IPO4: variants seen among roughly 807,000 people sequenced by gnomAD.
IPO4 encodes the protein importin 4, also known as importin-4.
IPO4 carries 91 observed loss-of-function variants against 133.5 expected under a neutral mutation model. The ratio of observed to expected loss-of-function variants is 0.68; its 90% confidence interval spans 0.58 to 0.81. The LOEUF is 0.81. Ranked by LOEUF, IPO4 falls within the 30% of genes least tolerant of loss-of-function variation. IPO4 has a pLI of 0.00. For synonymous variants in IPO4, 607 were observed against 581.6 expected, an observed-to-expected ratio of 1.04 and a Z score of -0.63; for missense variants, 1,279 against 1,386.2, an observed-to-expected ratio of 0.92 and a Z score of 1.23.
Position 24,186,757 on chromosome 14 carries a change from C to G in IPO4, c.791G>C (p.Arg264Pro). The G allele has an allele frequency of 1.2e-6, 2 of 1,614,156 alleles. No homozygotes were observed. Among genetic ancestry groups the G allele is most frequent in the Non-Finnish European group, 1.7e-6 (2 of 1,180,026 alleles). Residue 264 changes from arginine (R) to proline (P), a missense_variant, in exon 9 of 30, where the codon CGC (arginine) becomes CCC (proline). Coordinates refer to ENST00000354464, the MANE Select transcript of IPO4 (RefSeq NM_024658.4). Reference protein sequence around the residue: ...ARNVALGNAIRIRILCCLTFL... With the variant: ...ARNVALGNAIPIRILCCLTFL... ...AGTGAGGCAGCAGAGAATACGTATG[C>G]GTATCGCATTGCCCAGGGCCACATT...
At position 24,180,616 on chromosome 14, in the gene IPO4, C is replaced by T. The variant is rs757724019; in HGVS notation, c.3116-44G>A. Reference sequence around the variant, plus strand: ...AGAAAGGTCGGGGCTCCTAAAGCCTCGCTGCCCCAGGCTCTCTGAGCCCTG... The same window carrying T: ...AGAAAGGTCGGGGCTCCTAAAGCCTTGCTGCCCCAGGCTCTCTGAGCCCTG... On this transcript the variant is annotated intron_variant, in intron 29 of 29. Coordinates refer to ENST00000354464, the MANE Select transcript of IPO4 (RefSeq NM_024658.4). 2.2e-5 allele frequency: 35 copies of T among 1,611,492 alleles called. No homozygotes were observed. The South Asian group carries it at 3.0e-4, about 14-fold the overall frequency.
intron 4 of IPO4, 130 bp from the exon 5 acceptor site, chr14:24,187,926 A>G: frequency 8.8e-7 from 1 of 1,136,260 alleles, no homozygotes. Context: ...CCAAGTTGGG[A>G]CACATGAGAC....
chr14:24,183,258 T>C lies in IPO4; in HGVS notation c.2219A>G (p.Asn740Ser). 4 of 1,613,490 alleles carry C rather than the reference T, an allele frequency of 2.5e-6. No individual in the cohort carries two copies. Among genetic ancestry groups the C allele is most frequent in the Non-Finnish European group, 3.4e-6 (4 of 1,179,742 alleles). The change falls in exon 22 of 30, where the codon AAC (asparagine) becomes AGC (serine). Residue 740 changes from asparagine (N) to serine (S), a missense_variant. Coordinates refer to ENST00000354464, the MANE Select transcript of IPO4 (RefSeq NM_024658.4). ...KACQSCPSEP[N>S]TAALQAALAR... is the part of the protein sequence containing the mutation. ...GCCCAGCCTCTCCTCACCAGCAGTGTTGGGTTCCGAGGGGCAGCTTTGACA... is the reference window on the plus strand; with the variant it reads ...GCCCAGCCTCTCCTCACCAGCAGTGCTGGGTTCCGAGGGGCAGCTTTGACA...
At position 24,186,773 on chromosome 14, in the gene IPO4, G is replaced by T. The variant is rs549854712; in HGVS notation, c.775C>A (p.Leu259Met). The change falls in exon 9 of 30, where the codon CTG (leucine) becomes ATG (methionine). Residue 259 changes from leucine (L) to methionine (M), a missense_variant. Physicochemically the swap from Leu to Met is conservative, Grantham distance 15 (BLOSUM62 2). Transcript: ENST00000354464. ...FCLEVARNVA[L>M]GNAIRIRILC... Reference sequence around the variant, plus strand: ...ATACGTATGCGTATCGCATTGCCCAGGGCCACATTTCTAGCTACCTGTCCA... The same window carrying T: ...ATACGTATGCGTATCGCATTGCCCATGGCCACATTTCTAGCTACCTGTCCA... 1 of 1,614,192 alleles carries T rather than the reference G, an allele frequency of 6.2e-7. No individual in the cohort carries two copies. Among genetic ancestry groups the T allele is most frequent in the East Asian group, 2.2e-5 (1 of 44,890 alleles).
chr14:24,182,675 A>AC, intron 24 of IPO4, 117 bp downstream of exon 24: 2 of 1,185,018 alleles, frequency 1.7e-6, no homozygotes, highest in Non-Finnish European at 2.5e-6. Flanking sequence ...TCTGGCCATT[A>AC]CCAGTCTCTT....
chr14:24,184,794 GAGA>G, intron 15 of IPO4, 31 bp from the exon 16 acceptor site: 1 of 1,605,430 alleles, frequency 6.2e-7, no homozygotes, highest in Non-Finnish European at 8.5e-7. Context: ...ATCAGAGCTG[GAGA>G]GGGCAGGGAC....
At chr14:24,183,747 G>T in intron 19 of IPO4, 36 bp downstream of exon 19, 1 of 1,614,188 alleles carries the variant, frequency 6.2e-7, no homozygotes, top group South Asian at 1.1e-5. Flanking sequence ...TAAAGCCAAA[G>T]TCTAGATTCC....
In IPO4 at chr14:24,186,847, G is replaced by C. The variant is rs1330234915; in HGVS notation, c.756+31C>G. On this transcript the variant is annotated intron_variant, in intron 8 of 29. Transcript: ENST00000354464. Reference sequence around the variant, plus strand: ...GGGAAGGAGAGTCCCAGCAGAGCATGTAGCAGGGGCCATGTCCACTCCAGG... The same window carrying C: ...GGGAAGGAGAGTCCCAGCAGAGCATCTAGCAGGGGCCATGTCCACTCCAGG... 4 of 1,610,528 alleles carry C rather than the reference G, an allele frequency of 2.5e-6. No homozygotes were observed. In the African/African-American group the frequency reaches 5.3e-5, roughly 22 times the overall value.
rs761981683 is a variant in IPO4, at chr14:24,188,649, G to A, written c.70-11C>T. ...GAGCTGTTCCGTGGCCTGGGGGGAAGCTAGGGGTGAGAGTTGGGCCTTTCC... is the reference window on the plus strand; with the variant it reads ...GAGCTGTTCCGTGGCCTGGGGGGAAACTAGGGGTGAGAGTTGGGCCTTTCC... On this transcript the variant is annotated splice_polypyrimidine_tract_variant and intron_variant, in intron 1 of 29. Coordinates refer to ENST00000354464, the MANE Select transcript of IPO4 (RefSeq NM_024658.4). 1.9e-6 allele frequency: 3 copies of A among 1,608,468 alleles called. No homozygotes were observed. In the East Asian group the frequency reaches 6.7e-5, roughly 36 times the overall value.
At position 24,187,774 on chromosome 14, in the gene IPO4, C is replaced by T. The variant is rs1172237386; in HGVS notation, c.301G>A (p.Ala101Thr). 6.2e-7 allele frequency: 1 copy of T among 1,614,174 alleles called. No individual in the cohort carries two copies. The highest frequency in any genetic ancestry group is 2.2e-5 in the East Asian group (1 of 44,880). ...CGAAAAATGGTGGCTGAGAGCTGGG[C>T]CAGGCTGAGGCTCACACAGTGCCTG... Reference protein sequence around the residue: ...ETEHCVSLSLAQLSATIFRKE... With the variant: ...ETEHCVSLSLTQLSATIFRKE... The change falls in exon 5 of 30, where the codon GCC (alanine) becomes ACC (threonine). Residue 101 changes from alanine to threonine, a missense_variant. Ala to Thr is a moderately conservative substitution (Grantham distance 58). Coordinates refer to ENST00000354464, the MANE Select transcript of IPO4 (RefSeq NM_024658.4).
chr14:24,184,561 C>A, intron 16 of IPO4, 89 bp downstream of exon 16: 1 of 1,405,312 alleles, frequency 7.1e-7, no homozygotes, highest in South Asian at 1.4e-5. Context: ...GGAAGACATC[C>A]GTGCTCCTGT....
At position 24,188,214 on chromosome 14, in the gene IPO4, ACT is replaced by A; in HGVS notation, c.278_278+1del. 2 of 1,612,974 alleles carry A rather than the reference ACT, an allele frequency of 1.2e-6. No homozygotes were observed. Among genetic ancestry groups the A allele is most frequent in the Non-Finnish European group, 8.5e-7 (1 of 1,179,492 alleles). On this transcript the variant is annotated splice_donor_variant and coding_sequence_variant, in exon 4 of 30. Coordinates refer to ENST00000354464, the MANE Select transcript of IPO4 (RefSeq NM_024658.4). LOFTEE classifies it high-confidence loss of function. ...TCCCGAGAGAAGTGGGTAGGTACTTACTCTGTTTCTCTCTGCAGGGCCGTCAG... is the reference window on the plus strand; with the variant it reads ...TCCCGAGAGAAGTGGGTAGGTACTTACTGTTTCTCTCTGCAGGGCCGTCAG...
chr14:24,186,756 G>A lies in IPO4; in HGVS notation c.792C>T (p.Arg264=), dbSNP rs532862486. The change falls in exon 9 of 30, where the codon CGC becomes CGT. Residue 264 remains arginine (R), a synonymous_variant. Transcript: ENST00000354464. ...ARNVALGNAI[R]IRILCCLTFL... ...AAGTGAGGCAGCAGAGAATACGTAT[G>A]CGTATCGCATTGCCCAGGGCCACAT... 6.8e-6 allele frequency: 11 copies of A among 1,614,072 alleles called. No individual in the cohort carries two copies. Among genetic ancestry groups the A allele is most frequent in the Non-Finnish European group, 8.5e-6 (10 of 1,180,042 alleles).
Position 24,180,282 on chromosome 14 carries a change from G to A in IPO4, c.*160C>T, listed in dbSNP as rs1458578098. On this transcript the variant is annotated 3_prime_UTR_variant, in exon 30 of 30. Transcript: ENST00000354464. ...ATGATGTCATGACTCATTTGTAACA[G>A]ATCCAGCCTCAGGGACAGCCCTGTA... 1 of 1,527,230 alleles carries A rather than the reference G, an allele frequency of 6.5e-7. No individual in the cohort carries two copies. The allele number at this position is 1,527,230 out of a possible 1,614,324, so 94.6% of individuals were successfully genotyped here. A position where few individuals can be genotyped will look rare whatever the true frequency, so the allele number is the denominator to read the frequency against.
At chr14:24,185,412 G>A (rs2039204972) in intron 13 of IPO4, 47 bp downstream of exon 13, 1 of 1,610,656 alleles carries the variant, frequency 6.2e-7, no homozygotes, top group Non-Finnish European at 8.5e-7. Flanking sequence ...GAAAGATGAG[G>A]GGAAGGGGAC....
intron 6 of IPO4, 37 bp from the exon 7 acceptor site, chr14:24,187,187 A>G (rs760936297): frequency 4.4e-6 from 7 of 1,601,652 alleles, no homozygotes; most frequent in Non-Finnish European, 5.1e-6. Context: ...ATGCAGCCCA[A>G]TCTCACACCC....
intron 6 of IPO4, 81 bp from the exon 7 acceptor site, chr14:24,187,231 CGAG>C: frequency 6.6e-7 from 1 of 1,525,462 alleles, no homozygotes; most frequent in Non-Finnish European, 9.1e-7. Context: ...GCCTGAATTG[CGAG>C]GAGGAGCCCA....
At chr14:24,184,826 T>C in intron 15 of IPO4, 41 bp downstream of exon 15, 1 of 1,606,490 alleles carries the variant, frequency 6.2e-7, no homozygotes, top group Non-Finnish European at 8.5e-7. Context: ...ACAGGGCCTT[T>C]GGGTGAACCC....
rs138162164 is a variant in IPO4 at position 24,185,345 on chromosome 14, G to A, written c.1279-33C>T. 5.4e-5 allele frequency: 87 copies of A among 1,613,846 alleles called. No individual in the cohort carries two copies. The African/African-American group carries it at 7.7e-4, about 14-fold the overall frequency. Reference sequence around the variant, plus strand: ...AGGGAGCAAGCAGGGCCTGAGTCAGGTTCACCTGCCGGGCACACACAAGAG... The same window carrying A: ...AGGGAGCAAGCAGGGCCTGAGTCAGATTCACCTGCCGGGCACACACAAGAG... On this transcript the variant is annotated intron_variant, in intron 13 of 29. Coordinates refer to ENST00000354464, the MANE Select transcript of IPO4 (RefSeq NM_024658.4).
Sources: gnomAD v4.1 joint callset for allele counts on GRCh38, gnomAD v4.1.1 for gene constraint, MANE v1.5 for transcripts, NCBI Gene and HGNC (gene_info 2026-07-23, HGNC 2026-07-21) for gene names.